GRXCR1: variants seen among roughly 807,000 people sequenced by gnomAD.
GRXCR1 encodes the protein glutaredoxin domain-containing cysteine-rich protein 1.
GRXCR1 carries 27 observed loss-of-function variants against 27.3 expected under a neutral mutation model. That is an observed-to-expected ratio of 0.99 (90% CI 0.73 to 1.37). The LOEUF (loss-of-function observed/expected upper bound fraction) is 1.37, where lower values mean the gene tolerates loss of function less well. Ranked by LOEUF, GRXCR1 falls within the 40% of genes most tolerant of loss-of-function variation. GRXCR1 has a pLI of 0.00. For synonymous variants in GRXCR1, 122 were observed against 131.1 expected, an observed-to-expected ratio of 0.93 and a Z score of 0.47; for missense variants, 379 against 354.4, an observed-to-expected ratio of 1.07 and a Z score of -0.56.
chr4:43,006,383 G>A (rs1712559137), intron 2 of GRXCR1, among the ~76,000 whole-genome samples: 1 of 152,172 alleles, frequency 6.6e-6, no homozygotes, highest in Non-Finnish European at 1.5e-5. Flanking sequence ...AAAAGCAAAT[G>A]GGAGAAATAT....
chr4:42,949,094 G>A lies in GRXCR1; in HGVS notation c.385-13798G>A, dbSNP rs142578014. Among the ~76,000 whole-genome samples the A allele has an allele frequency of 1.2e-3, 186 of 152,044 alleles. 1 individual carries two copies. The highest frequency in any genetic ancestry group is 4.2e-3 in the African/African-American group (176 of 41,476). On this transcript the variant is annotated intron_variant, in intron 1 of 3. Coordinates refer to ENST00000399770, the MANE Select transcript of GRXCR1 (RefSeq NM_001080476.3). ...CTCTGGGCCAGGCCCGGTGGCTCAC[G>A]CCTGTAATCCCAGCACTTTGGGAGG...
intron 2 of GRXCR1, among the ~76,000 whole-genome samples, chr4:43,009,657 A>G (rs1332865059): frequency 6.6e-6 from 1 of 152,088 alleles, no homozygotes; most frequent in East Asian, 1.9e-4. Flanking sequence ...TTCCTGTGTC[A>G]TCACATGGTA....
At chr4:43,030,276 C>A (rs1577952398) in intron 3 of GRXCR1, 85 bp from the exon 4 acceptor site, 2 of 1,227,036 alleles carry the variant, frequency 1.6e-6, no homozygotes, top group Admixed American at 1.7e-5. Flanking sequence ...TGACCACTCA[C>A]AGTTCAGAAA....
intron 3 of GRXCR1, among the ~76,000 whole-genome samples, chr4:43,025,885 A>T (rs994926837): frequency 1.2e-4 from 18 of 151,702 alleles, no homozygotes; most frequent in South Asian, 2.1e-4. Flanking sequence ...CTGAGGCAGG[A>T]GAATGGCGTG....
chr4:42,900,816 G>A (rs866657411), intron 1 of GRXCR1, among the ~76,000 whole-genome samples: 3 of 152,116 alleles, frequency 2.0e-5, no homozygotes, highest in Non-Finnish European at 2.9e-5. Context: ...CAGATTGAGG[G>A]GAGGGTCTAG....
At position 42,964,237 on chromosome 4, in the gene GRXCR1, A is replaced by G. The variant is rs370849197; in HGVS notation, c.627+1103A>G. Among the ~76,000 whole-genome samples the G allele has an allele frequency of 4.4e-4, 67 of 152,122 alleles. 2 individuals carry two copies. The South Asian group carries it at 1.0e-2, about 23-fold the overall frequency. ...CAATAGCAGTAACAATCATGGTAAA[A>G]AAATAAATAATAATAGTAATAATAA... On this transcript the variant is annotated intron_variant, in intron 2 of 3. Transcript: ENST00000399770.
chr4:42,945,406 T>A (rs1302005298), intron 1 of GRXCR1, among the ~76,000 whole-genome samples: 3 of 152,158 alleles, frequency 2.0e-5, no homozygotes, highest in Non-Finnish European at 4.4e-5. Flanking sequence ...ACAGTGAAAG[T>A]GGAAACACTG....
chr4:43,018,596 G>T lies in GRXCR1; in HGVS notation c.628-1758G>T, dbSNP rs998939079. Among the ~76,000 whole-genome samples, 48 of 152,148 alleles carry T rather than the reference G, an allele frequency of 3.2e-4. 1 individual carries two copies. The highest frequency in any genetic ancestry group is 5.9e-5 in the Non-Finnish European group (4 of 68,030). On this transcript the variant is annotated intron_variant, in intron 2 of 3. Coordinates refer to ENST00000399770, the MANE Select transcript of GRXCR1 (RefSeq NM_001080476.3). Reference sequence around the variant, plus strand: ...AAGACACAATGCTATCATAAGAAAAGAGCCAGGTAGGAGATGTGTGATAGC... The same window carrying T: ...AAGACACAATGCTATCATAAGAAAATAGCCAGGTAGGAGATGTGTGATAGC...
chr4:42,990,192 T>C (rs1711921801), intron 2 of GRXCR1, among the ~76,000 whole-genome samples: 1 of 90,498 alleles, frequency 1.1e-5, no homozygotes, highest in African/African-American at 4.2e-5. Context: ...TTTTTTTTTT[T>C]TTTTTTTTTT....
chr4:42,978,139 A>G (rs1748566557), intron 2 of GRXCR1, among the ~76,000 whole-genome samples: 1 of 151,982 alleles, frequency 6.6e-6, no homozygotes. Flanking sequence ...TGGCCTCTGT[A>G]TTCTGTTCCT....
rs1246835365 is a variant in GRXCR1, at chr4:42,938,855, G to A, written c.385-24037G>A. 2.0e-5 allele frequency among the ~76,000 whole-genome samples: 3 copies of A among 149,694 alleles called. No homozygotes were observed. The East Asian group carries it at 5.9e-4, about 29-fold the overall frequency. On this transcript the variant is annotated intron_variant, in intron 1 of 3. Coordinates refer to ENST00000399770, the MANE Select transcript of GRXCR1 (RefSeq NM_001080476.3). ...TCTGGGTTCTGTATTCTGTTCCATTGGTCTACGTGTCTGTTTTTTTTTTTG... is the reference window on the plus strand; with the variant it reads ...TCTGGGTTCTGTATTCTGTTCCATTAGTCTACGTGTCTGTTTTTTTTTTTG...
intron 1 of GRXCR1, among the ~76,000 whole-genome samples, chr4:42,941,803 A>T (rs1192702960): frequency 1.3e-5 from 2 of 152,100 alleles, no homozygotes; most frequent in African/African-American, 4.8e-5. Flanking sequence ...GATACGTATC[A>T]ATGAGTGTGT....
At chr4:42,973,605 T>C (rs977135194) in intron 2 of GRXCR1, among the ~76,000 whole-genome samples, 2 of 152,152 alleles carry the variant, frequency 1.3e-5, no homozygotes, top group Non-Finnish European at 2.9e-5. Context: ...CTCCACCTAC[T>C]TTCTCTTGCC....
intron 1 of GRXCR1, among the ~76,000 whole-genome samples, chr4:42,902,228 A>C (rs945049886): frequency 6.6e-6 from 1 of 152,310 alleles, no homozygotes; most frequent in Middle Eastern, 3.4e-3. Flanking sequence ...CTAATGAAGC[A>C]ACAAATGTTT....
At chr4:43,006,598 G>T (rs1712566283) in intron 2 of GRXCR1, among the ~76,000 whole-genome samples, 1 of 152,150 alleles carries the variant, frequency 6.6e-6, no homozygotes, top group South Asian at 2.1e-4. Context: ...CAGACCAGTT[G>T]ATCTCAAAAC....
intron 2 of GRXCR1, among the ~76,000 whole-genome samples, chr4:43,018,644 T>C (rs79502908): frequency 1.3e-5 from 2 of 152,286 alleles, no homozygotes; most frequent in East Asian, 1.9e-4. Context: ...TTCATTTTGT[T>C]TGGAGTCATT....
chr4:42,954,164 C>A (rs548498377), intron 1 of GRXCR1, among the ~76,000 whole-genome samples: 3 of 152,136 alleles, frequency 2.0e-5, no homozygotes, highest in South Asian at 4.2e-4. Flanking sequence ...AGATAGTGAA[C>A]CAGTTAGTAT....
intron 2 of GRXCR1, among the ~76,000 whole-genome samples, chr4:43,004,030 C>G (rs990830799): frequency 1.3e-5 from 2 of 152,242 alleles, no homozygotes; most frequent in Non-Finnish European, 2.9e-5. Context: ...GCCTGGAGGC[C>G]TAGGAGAGAA....
chr4:42,973,859 A>G (rs959882261), intron 2 of GRXCR1, among the ~76,000 whole-genome samples: 1 of 152,144 alleles, frequency 6.6e-6, no homozygotes, highest in African/African-American at 2.4e-5. Flanking sequence ...GAAGCATAAA[A>G]ACTCACAGTG....
Sources: gnomAD v4.1 joint callset for allele counts (sites outside exome capture counted in the v4.1 genomes callset) on GRCh38, gnomAD v4.1.1 for gene constraint, MANE v1.5 for transcripts, NCBI Gene and HGNC (gene_info 2026-07-23, HGNC 2026-07-21) for gene names.